Variants in RORA observed in about 807,000 individuals in gnomAD.
The protein encoded by RORA is RAR related orphan receptor A, also known as nuclear receptor ROR-alpha.
In RORA, 7 loss-of-function variants were observed where a neutral mutation model predicts 69.5. The ratio of observed to expected loss-of-function variants is 0.10; its 90% CI spans 0.06 to 0.19. RORA has a LOEUF of 0.19. RORA is among the 10% of genes least tolerant of loss of function. The pLI is 1.00. For synonymous variants in RORA, 261 were observed against 240.8 expected, an observed-to-expected ratio of 1.08 and a Z score of -0.78; for missense variants, 457 against 663.0, an observed-to-expected ratio of 0.69 and a Z score of 3.41.
chr15:60,766,383 T>A (rs1842707), intron 1 of RORA, among the ~76,000 whole-genome samples: 91,930 of 151,446 alleles, frequency 0.61, 28,144 homozygotes, highest in African/African-American at 0.66. Flanking sequence ...TTAAAAAGCC[T>A]TCGACAGAAT....
At chr15:60,970,764 T>G (rs72752790) in intron 1 of RORA, among the ~76,000 whole-genome samples, 23,409 of 152,156 alleles carry the variant, frequency 0.15, 2,075 homozygotes, top group Non-Finnish European at 0.21. Flanking sequence ...ACTAATACGG[T>G]TGTGTATTTT....
chr15:60,557,003 A>T (rs2067383082), intron 2 of RORA: 2 of 1,233,898 alleles, frequency 1.6e-6, no homozygotes, highest in Admixed American at 3.7e-5. Flanking sequence ...TGCATAGCAC[A>T]TCCCCAAATG....
At chr15:60,663,276 G>C (rs1452082885) in intron 2 of RORA, among the ~76,000 whole-genome samples, 5 of 152,176 alleles carry the variant, frequency 3.3e-5, no homozygotes, top group Non-Finnish European at 4.4e-5. Context: ...GGATACTTTA[G>C]TGGAGTGATT....
rs540719839 is a variant in RORA, at chr15:60,720,565, G to A, written c.167-41879C>T. Among the ~76,000 whole-genome samples, 4 of 152,266 alleles carry A rather than the reference G, an allele frequency of 2.6e-5. No individual in the cohort carries two copies. In the South Asian group the frequency reaches 8.3e-4, roughly 32 times the overall value. ...TCAGTATTTGTGTGTAAATAAGGAC[G>A]TGTTGTGGTATTCTGGGTGCTGATG... On this transcript the variant is annotated intron_variant, in intron 1 of 10. Coordinates refer to ENST00000335670, the MANE Select transcript of RORA (RefSeq NM_134261.3).
intron 2 of RORA, among the ~76,000 whole-genome samples, chr15:60,567,236 C>G (rs74548320): frequency 0.018 from 2,771 of 151,342 alleles, 88 homozygotes; most frequent in African/African-American, 0.065. Context: ...TTATTCCAAA[C>G]GGCGACAGAG....
At chr15:60,631,050 C>A (rs2069726580) in intron 2 of RORA, among the ~76,000 whole-genome samples, 1 of 151,988 alleles carries the variant, frequency 6.6e-6, no homozygotes, top group African/African-American at 2.4e-5. Flanking sequence ...CCACCACACC[C>A]AGCTAATTTT....
intron 1 of RORA, among the ~76,000 whole-genome samples, chr15:60,828,971 C>A (rs1249064384): frequency 6.6e-6 from 1 of 152,194 alleles, no homozygotes; most frequent in East Asian, 1.9e-4. Flanking sequence ...AGAAATCCTG[C>A]AAAGAAGACA....
intron 2 of RORA, among the ~76,000 whole-genome samples, chr15:60,648,336 C>T (rs1019678538): frequency 7.2e-5 from 11 of 152,194 alleles, no homozygotes; most frequent in African/African-American, 2.7e-4. Flanking sequence ...CATTTCTCAA[C>T]TTCATTTAAA....
chr15:60,594,469 T>C (rs2068624182), intron 2 of RORA, among the ~76,000 whole-genome samples: 1 of 152,242 alleles, frequency 6.6e-6, no homozygotes, highest in African/African-American at 2.4e-5. Flanking sequence ...TCTTCCCTAC[T>C]CAATGCAAGT....
chr15:60,998,796 C>T (rs747285727), intron 1 of RORA, among the ~76,000 whole-genome samples: 1 of 152,190 alleles, frequency 6.6e-6, no homozygotes, highest in Non-Finnish European at 1.5e-5. Context: ...CAGGGCCCAC[C>T]CACCTACCCC....
chr15:60,689,628 G>T (rs1220848391), intron 1 of RORA, among the ~76,000 whole-genome samples: 2 of 152,066 alleles, frequency 1.3e-5, no homozygotes, highest in Admixed American at 6.6e-5. Context: ...AGGCAATACT[G>T]GTCCAGGGAC....
intron 1 of RORA, among the ~76,000 whole-genome samples, chr15:61,167,073 C>T (rs2079544704): frequency 6.6e-6 from 1 of 152,288 alleles, no homozygotes; most frequent in Non-Finnish European, 1.5e-5. Context: ...GAATCGGCTG[C>T]ACCCCTAATG....
At chr15:61,014,257 GA>G (rs1302549791) in intron 1 of RORA, among the ~76,000 whole-genome samples, 2 of 152,210 alleles carry the variant, frequency 1.3e-5, no homozygotes, top group Non-Finnish European at 2.9e-5. Flanking sequence ...ACAGCTTTGA[GA>G]GTTACTGTTG....
chr15:60,694,025 C>G (rs1487716650), intron 1 of RORA, among the ~76,000 whole-genome samples: 1 of 152,168 alleles, frequency 6.6e-6, no homozygotes. Flanking sequence ...CAGGAGGCAT[C>G]ACGCTGCTTG....
chr15:60,552,302 T>C (rs2067247740), intron 2 of RORA, among the ~76,000 whole-genome samples: 1 of 152,170 alleles, frequency 6.6e-6, no homozygotes, highest in Non-Finnish European at 1.5e-5. Flanking sequence ...TTTTGAAAAG[T>C]TTTTCTTAAT....
At chr15:61,013,817 T>G (rs1895178440) in intron 1 of RORA, among the ~76,000 whole-genome samples, 4 of 120,558 alleles carry the variant, frequency 3.3e-5, no homozygotes, top group South Asian at 6.1e-4. Context: ...GGTGTCTCGC[T>G]CGGTTGCCCA....
chr15:60,843,570 C>T lies in RORA; in HGVS notation c.167-164884G>A, dbSNP rs146103480. The stretch of plus-strand genomic sequence containing the variant: ...CAAATGTCCACTAGCTGCCCAAGGG[C>T]AAGATGAGTTACAAGAGCAATTCTT... On this transcript the variant is annotated intron_variant, in intron 1 of 10. Coordinates refer to ENST00000335670, the MANE Select transcript of RORA (RefSeq NM_134261.3). 3.3e-5 allele frequency among the ~76,000 whole-genome samples: 5 copies of T among 152,266 alleles called. No individual in the cohort carries two copies. The East Asian group carries it at 9.7e-4, about 29-fold the overall frequency.
intron 1 of RORA, among the ~76,000 whole-genome samples, chr15:60,890,511 T>G (rs1019806755): frequency 6.6e-6 from 1 of 152,218 alleles, no homozygotes; most frequent in Non-Finnish European, 1.5e-5. Context: ...AGGATGACGC[T>G]GCAGAGGAGA....
intron 1 of RORA, among the ~76,000 whole-genome samples, chr15:61,119,273 A>G (rs2079080043): frequency 6.6e-6 from 1 of 151,864 alleles, no homozygotes; most frequent in Non-Finnish European, 1.5e-5. Flanking sequence ...ATCTTGGCTC[A>G]CTGCAACCTC....
Sources: gnomAD v4.1 joint callset for allele counts (sites outside exome capture counted in the v4.1 genomes callset) on GRCh38, gnomAD v4.1.1 for gene constraint, MANE v1.5 for transcripts, NCBI Gene and HGNC (gene_info 2026-07-23, HGNC 2026-07-21) for gene names.